The following CDH12 variants were observed in gnomAD, a reference collection of about 807,000 sequenced individuals.
The protein encoded by CDH12 is cadherin-12.
In CDH12, 41 loss-of-function variants were observed where a neutral mutation model predicts 74.1. The ratio of observed to expected loss-of-function variants is 0.55; its 90% CI spans 0.43 to 0.72. The LOEUF (loss-of-function observed/expected upper bound fraction) is 0.72, where lower values mean the gene tolerates loss of function less well. Among genes scored for constraint, CDH12 ranks in the 30% least tolerant of loss-of-function variants. The probability of loss-of-function intolerance (pLI) is 0.00; values close to 1 mark genes in which losing one functional copy is unlikely to be tolerated. For missense variants in CDH12, 945 were observed against 977.2 expected (o/e 0.97, Z 0.44); for synonymous variants, 399 against 355.0 (o/e 1.12, Z -1.39).
intron 6 of CDH12, among the ~76,000 whole-genome samples, chr5:21,916,264 T>C (rs550949234): frequency 1.3e-4 from 20 of 152,262 alleles, no homozygotes; most frequent in African/African-American, 4.3e-4. Context: ...TCCCATAAAC[T>C]TGGCAATTAG....
rs140875696 is a variant in CDH12, at chr5:22,383,622, C to T, written c.-333+21635G>A. Among the ~76,000 whole-genome samples the T allele has an allele frequency of 1.2e-3, 185 of 152,278 alleles. 1 individual carries two copies. The highest frequency in any genetic ancestry group is 4.3e-3 in the African/African-American group (177 of 41,552). On this transcript the variant is annotated intron_variant, in intron 3 of 14. Transcript: ENST00000382254. ...GGAGTTCCTTTCTTACTGGGCATTG[C>T]TGGTCTCATATATTGTGCTTAGACA...
chr5:21,860,999 T>C (rs1751015377), intron 6 of CDH12, among the ~76,000 whole-genome samples: 1 of 152,070 alleles, frequency 6.6e-6, no homozygotes, highest in Non-Finnish European at 1.5e-5. Flanking sequence ...ACAATTCTAC[T>C]CACTGCTTCT....
At chr5:22,521,395 G>C (rs1340601156) in intron 1 of CDH12, among the ~76,000 whole-genome samples, 1 of 152,030 alleles carries the variant, frequency 6.6e-6, no homozygotes, top group African/African-American at 2.4e-5. Flanking sequence ...AAAGGAAATA[G>C]AAAGTATATT....
In CDH12 at chr5:22,483,137, G is replaced by C. The variant is rs530241877; in HGVS notation, c.-428+22133C>G. 3.9e-5 allele frequency among the ~76,000 whole-genome samples: 6 copies of C among 151,980 alleles called. No individual in the cohort carries two copies. The South Asian group carries it at 1.2e-3, about 32-fold the overall frequency. On this transcript the variant is annotated intron_variant, in intron 2 of 14. Transcript: ENST00000382254. ...AATGAAATTAGAAAAGAAAATACAG[G>C]CTTTATAATGAAAAGTTTCTGGAAA... is the stretch of plus-strand genomic sequence containing the variant.
chr5:21,877,637 A>AT (rs1752010052), intron 6 of CDH12, among the ~76,000 whole-genome samples: 1 of 152,208 alleles, frequency 6.6e-6, no homozygotes, highest in Admixed American at 6.5e-5. Context: ...TCCCATCAAT[A>AT]GTTATGGCAG....
chr5:22,200,598 G>T (rs1469739355), intron 4 of CDH12, among the ~76,000 whole-genome samples: 2 of 152,162 alleles, frequency 1.3e-5, no homozygotes, highest in African/African-American at 4.8e-5. Context: ...ACAGATTTCA[G>T]TGGTTACTAC....
intron 1 of CDH12, among the ~76,000 whole-genome samples, chr5:22,633,937 G>A (rs766360833): frequency 2.4e-4 from 37 of 151,976 alleles, no homozygotes; most frequent in Non-Finnish European, 4.4e-4. Flanking sequence ...TAATATATTA[G>A]CACGTAAATG....
chr5:22,202,413 A>G (rs1473043352), intron 4 of CDH12, among the ~76,000 whole-genome samples: 1 of 152,144 alleles, frequency 6.6e-6, no homozygotes, highest in African/African-American at 2.4e-5. Context: ...GAAAACTGAA[A>G]AATTAGTTTC....
intron 4 of CDH12, among the ~76,000 whole-genome samples, chr5:22,134,072 T>C (rs140136475): frequency 1.1e-3 from 173 of 152,134 alleles, no homozygotes; most frequent in African/African-American, 4.1e-3. Context: ...GATGCTTCAG[T>C]TCAGATAATA....
At chr5:21,800,873 C>T (rs1747074254) in intron 10 of CDH12, among the ~76,000 whole-genome samples, 1 of 152,132 alleles carries the variant, frequency 6.6e-6, no homozygotes, top group South Asian at 2.1e-4. Context: ...GTCTTGCCTG[C>T]TGCCATGTAA....
At chr5:22,212,688 T>A (rs1395058305) in intron 3 of CDH12, 45 bp from the exon 4 acceptor site, 6 of 637,830 alleles carry the variant, frequency 9.4e-6, no homozygotes, top group Non-Finnish European at 1.2e-5. Context: ...AGGTTCCCAG[T>A]GAGTAAATGA....
chr5:22,588,561 C>T (rs1031263856), intron 1 of CDH12, among the ~76,000 whole-genome samples: 4 of 151,794 alleles, frequency 2.6e-5, no homozygotes, highest in East Asian at 1.9e-4. Flanking sequence ...GAGTAATATC[C>T]GTACAATAAA....
intron 3 of CDH12, among the ~76,000 whole-genome samples, chr5:22,355,339 C>T (rs1275523394): frequency 6.6e-6 from 1 of 151,918 alleles, no homozygotes; most frequent in African/African-American, 2.4e-5. Flanking sequence ...GCTTACTTTT[C>T]ATGAACCAAA....
At chr5:22,493,384 G>C (rs1746967945) in intron 2 of CDH12, among the ~76,000 whole-genome samples, 2 of 152,048 alleles carry the variant, frequency 1.3e-5, no homozygotes, top group South Asian at 2.1e-4. Flanking sequence ...CTCTACCAAG[G>C]CACTCAAATA....
At chr5:21,822,463 T>A (rs776735738) in intron 8 of CDH12, among the ~76,000 whole-genome samples, 112 of 152,174 alleles carry the variant, frequency 7.4e-4, no homozygotes, top group Non-Finnish European at 1.3e-3. Flanking sequence ...AAGAACATTT[T>A]ATGCCCTCTA....
chr5:22,447,556 A>G (rs553217648), intron 2 of CDH12, among the ~76,000 whole-genome samples: 178 of 152,226 alleles, frequency 1.2e-3, no homozygotes, highest in Non-Finnish European at 2.2e-3. Context: ...ACATGCTTGG[A>G]TTAAATCACA....
intron 3 of CDH12, among the ~76,000 whole-genome samples, chr5:22,318,291 G>A (rs374366489): frequency 1.3e-5 from 2 of 152,050 alleles, no homozygotes; most frequent in African/African-American, 2.4e-5. Flanking sequence ...CAATAAACCT[G>A]GCCAATTTGC....
intron 1 of CDH12, among the ~76,000 whole-genome samples, chr5:22,812,221 C>A (rs550162082): frequency 1.3e-5 from 2 of 152,170 alleles, no homozygotes; most frequent in South Asian, 4.1e-4. Context: ...TGAGGCTCTC[C>A]GCTCAGCCTT....
intron 2 of CDH12, among the ~76,000 whole-genome samples, chr5:22,456,019 C>T (rs1233779182): frequency 6.6e-6 from 1 of 151,770 alleles, no homozygotes; most frequent in Admixed American, 6.6e-5. Context: ...ATACTCCCGA[C>T]ATGCTTAATT....
Sources: gnomAD v4.1 joint callset for allele counts (sites outside exome capture counted in the v4.1 genomes callset) on GRCh38, gnomAD v4.1.1 for gene constraint, MANE v1.5 for transcripts, NCBI Gene and HGNC (gene_info 2026-07-23, HGNC 2026-07-21) for gene names.